NLGN4X: variants seen among roughly 807,000 people sequenced by gnomAD.
NLGN4X encodes neuroligin-4, X-linked.
A neutral mutation model predicts 40.3 loss-of-function variants in NLGN4X; 3 were observed. The observed-to-expected ratio is 0.07, with a 90% CI of 0.03 to 0.19. The LOEUF is 0.19. Among genes scored for constraint, NLGN4X ranks in the 10% least tolerant of loss-of-function variants. The probability of loss-of-function intolerance (pLI) is 1.00; values close to 1 mark genes in which losing one functional copy is unlikely to be tolerated. For synonymous variants in NLGN4X, 270 were observed against 306.8 expected, an observed-to-expected ratio of 0.88 and a Z score of 1.25; for missense variants, 382 against 708.3, an observed-to-expected ratio of 0.54 and a Z score of 5.23.
rs1163973694 is a variant in NLGN4X, at chrX:5,900,560, C to CTTTTTTTTTTTTTTTTTTTTTTT, written c.1601+2494_1601+2516dup. Among the ~76,000 whole-genome samples, 5 of 45,596 alleles carry CTTTTTTTTTTTTTTTTTTTTTTT rather than the reference C, an allele frequency of 1.1e-4. 1 individual carries two copies. Among genetic ancestry groups the CTTTTTTTTTTTTTTTTTTTTTTT allele is most frequent in the African/African-American group, 1.7e-4 (2 of 11,772 alleles). The allele number at this position is 45,596 out of a possible 115,157, so 39.6% of individuals were successfully genotyped here. A position where few individuals can be genotyped will look rare whatever the true frequency, so the allele number is the denominator to read the frequency against. On this transcript the variant is annotated intron_variant, in intron 5 of 5. Transcript: ENST00000381095. The stretch of plus-strand genomic sequence containing the variant: ...GTTATAAGACACACCGTTTTTGGTG[C>CTTTTTTTTTTTTTTTTTTTTTTT]TTTTTTTTTTTTTTTTTTTTTTTTT...
intron 2 of NLGN4X, among the ~76,000 whole-genome samples, chrX:6,042,193 G>A (rs754725008): frequency 9.0e-6 from 1 of 111,700 alleles, no homozygotes; most frequent in East Asian, 2.8e-4. Flanking sequence ...TTGGAAGACA[G>A]ACTGAGAGAA....
At chrX:6,136,520 T>C (rs1002943939) in intron 2 of NLGN4X, among the ~76,000 whole-genome samples, 1 of 111,951 alleles carries the variant, frequency 8.9e-6, no homozygotes, top group Admixed American at 9.5e-5. Flanking sequence ...AAAGCCTCTG[T>C]TCCTTGCTGG....
At chrX:5,938,005 T>C (rs1348056592) in intron 3 of NLGN4X, among the ~76,000 whole-genome samples, 1 of 112,109 alleles carries the variant, frequency 8.9e-6, no homozygotes, top group East Asian at 2.8e-4. Flanking sequence ...TCCCCAACTT[T>C]AGAATAGGGA....
At chrX:6,047,845 G>T (rs2037368540) in intron 2 of NLGN4X, among the ~76,000 whole-genome samples, 2 of 111,719 alleles carry the variant, frequency 1.8e-5, no homozygotes, top group Non-Finnish European at 3.8e-5. Context: ...CCCCACATGG[G>T]CCCTCCATAC....
At chrX:6,034,687 G>A (rs1362860522) in intron 2 of NLGN4X, among the ~76,000 whole-genome samples, 1 of 98,172 alleles carries the variant, frequency 1.0e-5, no homozygotes, top group African/African-American at 3.7e-5. Flanking sequence ...CATACTAATG[G>A]ATGTGAAATG....
intron 1 of NLGN4X, among the ~76,000 whole-genome samples, chrX:6,175,529 G>T (rs1443274560): frequency 9.2e-6 from 1 of 108,483 alleles, no homozygotes; most frequent in Non-Finnish European, 1.9e-5. Context: ...GTAAGAAATA[G>T]AACTAGAAGT....
rs1569309354 is a variant in NLGN4X, at chrX:6,225,681, C to CTTTTTTTTTTTTTT, written c.-306+2859_-306+2860insAAAAAAAAAAAAAA. Among the ~76,000 whole-genome samples the CTTTTTTTTTTTTTT allele has an allele frequency of 7.9e-3, 265 of 33,731 alleles. 3 individuals carry two copies. Among genetic ancestry groups the CTTTTTTTTTTTTTT allele is most frequent in the Non-Finnish European group, 8.5e-3 (169 of 19,916 alleles). 29.3% of individuals were successfully genotyped at this position (33,731 alleles called of 115,157 possible). A position where few individuals can be genotyped will look rare whatever the true frequency, so the allele number is the denominator to read the frequency against. ...CTTTTTCTTTTCCTTTTTTTTCTTT[C>CTTTTTTTTTTTTTT]TTTTTTTCTTTTTTTTTTTTTTTTT... is the stretch of plus-strand genomic sequence containing the variant. On this transcript the variant is annotated intron_variant, in intron 1 of 5. Transcript: ENST00000381095.
At chrX:6,222,330 C>T (rs1046840148) in intron 1 of NLGN4X, among the ~76,000 whole-genome samples, 1 of 111,395 alleles carries the variant, frequency 9.0e-6, no homozygotes, top group African/African-American at 3.3e-5. Flanking sequence ...AGGTACCAGC[C>T]TCTTAAAACC....
intron 2 of NLGN4X, among the ~76,000 whole-genome samples, chrX:6,054,128 C>A (rs752124638): frequency 8.9e-6 from 1 of 112,074 alleles, no homozygotes; most frequent in East Asian, 2.8e-4. Flanking sequence ...GTGTTTAATA[C>A]GTGCAACTTT....
chrX:5,903,238 C>T lies in NLGN4X; in HGVS notation c.1440G>A (p.Met480Ile), dbSNP rs748640243. ...GGGCCGAATCTGCCCAGCTGGGCTT[C>T]ATTTCGCTTTGGCAGTGATGATAGA... ...YAFYHHCQSE[M>I]KPSWADSAHG... Residue 480 changes from methionine to isoleucine, a missense_variant, in exon 5 of 6, where the codon ATG becomes ATA. Around this residue, in one of 5 missense-constraint regions of NLGN4X, gnomAD observed 149 missense variants for 375.8 expected, o/e 0.40. Coordinates refer to ENST00000381095, the MANE Select transcript of NLGN4X (RefSeq NM_181332.3). 2.5e-6 allele frequency: 3 copies of T among 1,211,789 alleles called. No individual in the cohort carries two copies. The East Asian group carries it at 8.9e-5, about 36-fold the overall frequency.
At chrX:6,062,429 T>C (rs181532886) in intron 2 of NLGN4X, among the ~76,000 whole-genome samples, 11 of 111,926 alleles carry the variant, frequency 9.8e-5, no homozygotes, top group African/African-American at 3.6e-4. Context: ...AAAACACACC[T>C]TGACACATGA....
At chrX:6,179,508 A>C (rs1004845710) in intron 1 of NLGN4X, among the ~76,000 whole-genome samples, 2 of 111,731 alleles carry the variant, frequency 1.8e-5, no homozygotes, top group African/African-American at 3.3e-5. Flanking sequence ...TAAAATTTAG[A>C]ATAGTGCTAC....
intron 1 of NLGN4X, among the ~76,000 whole-genome samples, chrX:6,171,600 A>C (rs1291131781): frequency 8.9e-6 from 1 of 112,416 alleles, no homozygotes; most frequent in Non-Finnish European, 1.9e-5. Context: ...ATCAGTGTAA[A>C]TGCCTTGACC....
intron 4 of NLGN4X, among the ~76,000 whole-genome samples, chrX:5,905,868 G>T (rs2032145563): frequency 9.0e-6 from 1 of 111,340 alleles, no homozygotes; most frequent in African/African-American, 3.3e-5. Context: ...TGTTGTTCAG[G>T]CTTGTCTTGA....
intron 2 of NLGN4X, among the ~76,000 whole-genome samples, chrX:6,093,318 T>C (rs1228027449): frequency 1.8e-5 from 2 of 112,115 alleles, no homozygotes; most frequent in Admixed American, 9.5e-5. Context: ...ATATTCATGA[T>C]ACATAATAAT....
In NLGN4X at chrX:5,980,846, T is replaced by C. The variant is rs540697550; in HGVS notation, c.625+48434A>G. Among the ~76,000 whole-genome samples the C allele has an allele frequency of 1.1e-3, 126 of 111,526 alleles. No individual in the cohort carries two copies. The South Asian group carries it at 0.045, about 40-fold the overall frequency. Reference sequence around the variant, plus strand: ...AGGTAGCAGGAGCCCTCCAAGTATGTTCTACTGCTACAAAAATGTTTTGGT... The same window carrying C: ...AGGTAGCAGGAGCCCTCCAAGTATGCTCTACTGCTACAAAAATGTTTTGGT... On this transcript the variant is annotated intron_variant, in intron 3 of 5. Coordinates refer to ENST00000381095, the MANE Select transcript of NLGN4X (RefSeq NM_181332.3).
intron 1 of NLGN4X, among the ~76,000 whole-genome samples, chrX:6,210,057 T>C (rs954821257): frequency 1.3e-4 from 14 of 111,239 alleles, no homozygotes; most frequent in Non-Finnish European, 2.6e-4. Flanking sequence ...TCTCATTATG[T>C]TGTCGAAGCT....
chrX:5,972,173 ATGCATGCATGCATGTGTGTT>A (rs2035043308), intron 3 of NLGN4X, among the ~76,000 whole-genome samples: 1 of 110,373 alleles, frequency 9.1e-6, no homozygotes, highest in African/African-American at 3.3e-5. Flanking sequence ...GCATGTATGT[ATGCATGCATGCATGTGTGTT>A]TGTGTGTGCA....
At position 5,894,795 on chromosome X, in the gene NLGN4X, C is replaced by G. The variant is rs1490761413; in HGVS notation, c.1602-1129G>C. Among the ~76,000 whole-genome samples the G allele has an allele frequency of 6.3e-5, 7 of 111,594 alleles. No homozygotes were observed. In the Admixed American group the frequency reaches 6.7e-4, roughly 11 times the overall value. ...TGTAAAGTAAGCTAAAAAACAATTA[C>G]GTCTTAAGGTTTATTTGTTATAAAA... On this transcript the variant is annotated intron_variant, in intron 5 of 5. Coordinates refer to ENST00000381095, the MANE Select transcript of NLGN4X (RefSeq NM_181332.3).
Sources: allele counts gnomAD v4.1 joint callset (sites outside exome capture counted in the v4.1 genomes callset), GRCh38; gene constraint gnomAD v4.1.1; regional missense constraint gnomAD v4.1.1; transcripts MANE v1.5; gene names NCBI Gene and HGNC (gene_info 2026-07-23, HGNC 2026-07-21).